Variants in RBFOX1 observed in about 807,000 individuals in gnomAD.
RBFOX1 encodes the protein RNA binding fox-1 homolog 1, also known as RNA binding protein fox-1 homolog 1.
A neutral mutation model predicts 57.7 loss-of-function variants in RBFOX1; 8 were observed. The ratio of observed to expected loss-of-function variants is 0.14; its 90% CI spans 0.08 to 0.25. The LOEUF (loss-of-function observed/expected upper bound fraction) is 0.25, where lower values mean the gene tolerates loss of function less well. Among genes scored for constraint, RBFOX1 ranks in the 10% least tolerant of loss-of-function variants. The pLI is 1.00. For synonymous variants in RBFOX1, 326 were observed against 222.4 expected, an observed-to-expected ratio of 1.47 and a Z score of -4.15; for missense variants, 611 against 548.5, an observed-to-expected ratio of 1.11 and a Z score of -1.14.
intron 3 of RBFOX1, chr16:6,776,090 G>A (rs964984759): frequency 6.6e-6 from 1 of 152,280 alleles, no homozygotes; most frequent in Non-Finnish European, 1.5e-5. Context: ...TAAAGAAAGG[G>A]AGAGAGGAAG....
chr16:6,163,082 C>A (rs2096891499), intron 1 of RBFOX1, among the ~76,000 whole-genome samples: 1 of 152,058 alleles, frequency 6.6e-6, no homozygotes. Context: ...AAATGAGACC[C>A]AGAGAAGGTT....
chr16:7,377,444 A>G (rs370288563), intron 4 of RBFOX1, among the ~76,000 whole-genome samples: 3 of 152,210 alleles, frequency 2.0e-5, no homozygotes, highest in Non-Finnish European at 2.9e-5. Context: ...TCATTTCATC[A>G]TTAAGATATA....
At chr16:6,846,143 C>G (rs2141728251) in intron 3 of RBFOX1, among the ~76,000 whole-genome samples, 1 of 152,152 alleles carries the variant, frequency 6.6e-6, no homozygotes, top group East Asian at 1.9e-4. Context: ...GACTTGTTGC[C>G]TAGCCCAGAG....
At chr16:6,801,198 G>A (rs1442922118) in intron 3 of RBFOX1, among the ~76,000 whole-genome samples, 33 of 96,430 alleles carry the variant, frequency 3.4e-4, no homozygotes, top group Admixed American at 1.1e-3. Flanking sequence ...GATTGAACAT[G>A]CAAAAAAAAA....
chr16:5,832,727 C>G (rs117593397), intron 3 of RBFOX1, among the ~76,000 whole-genome samples: 3 of 152,098 alleles, frequency 2.0e-5, no homozygotes, highest in African/African-American at 7.2e-5. Context: ...ATGGAATTAA[C>G]AGAAATTTAA....
chr16:6,745,033 A>T (rs113743447), intron 3 of RBFOX1, among the ~76,000 whole-genome samples: 1 of 152,066 alleles, frequency 6.6e-6, no homozygotes, highest in Non-Finnish European at 1.5e-5. Flanking sequence ...TTAAAAGAAA[A>T]ATAAGATCAT....
At position 7,549,782 on chromosome 16, in the gene RBFOX1, G is replaced by A. The variant is rs145063256; in HGVS notation, c.271-29995G>A. On this transcript the variant is annotated intron_variant, in intron 5 of 15. Coordinates refer to ENST00000550418, the MANE Select transcript of RBFOX1 (RefSeq NM_018723.4). ...GATTAGATTTGTGTCCACTCAGATT[G>A]TACGTGGGTCTGCCTTTCCCAGTCC... Among the ~76,000 whole-genome samples, 1,507 of 152,208 alleles carry A rather than the reference G, an allele frequency of 9.9e-3. 12 individuals are homozygous for A. Among genetic ancestry groups the A allele is most frequent in the Non-Finnish European group, 0.018 (1,227 of 68,006 alleles).
At position 7,591,096 on chromosome 16, in the gene RBFOX1, T is replaced by C. The variant is rs111445718; in HGVS notation, c.468+3796T>C. 2.5e-3 allele frequency among the ~76,000 whole-genome samples: 386 copies of C among 151,934 alleles called. 6 individuals carry two copies. The highest frequency in any genetic ancestry group is 8.4e-3 in the African/African-American group (350 of 41,450). ...GAGAGTCCGGACAGGCAGGCTGATATTGTGAGAAGGCTTCTGGAAAGAAGG... is the reference window on the plus strand; with the variant it reads ...GAGAGTCCGGACAGGCAGGCTGATACTGTGAGAAGGCTTCTGGAAAGAAGG... On this transcript the variant is annotated intron_variant, in intron 7 of 15. Transcript: ENST00000550418.
At chr16:6,895,266 C>G (rs899734179) in intron 3 of RBFOX1, among the ~76,000 whole-genome samples, 2 of 151,554 alleles carry the variant, frequency 1.3e-5, no homozygotes, top group African/African-American at 4.8e-5. Context: ...CCAGTGGTTC[C>G]TGATTCCCAG....
chr16:6,739,769 C>T (rs543460241), intron 3 of RBFOX1, among the ~76,000 whole-genome samples: 52 of 152,022 alleles, frequency 3.4e-4, no homozygotes, highest in African/African-American at 1.1e-3. Context: ...CTCGGCTCCT[C>T]GGGAGGCTGA....
intron 4 of RBFOX1, among the ~76,000 whole-genome samples, chr16:7,158,711 T>C (rs1214300484): frequency 2.8e-5 from 4 of 143,810 alleles, no homozygotes; most frequent in African/African-American, 4.9e-5. Flanking sequence ...GTGGTGCATA[T>C]GTGTGCATGC....
intron 4 of RBFOX1, among the ~76,000 whole-genome samples, chr16:5,913,896 C>T (rs758393436): frequency 3.3e-5 from 5 of 152,274 alleles, no homozygotes; most frequent in Admixed American, 6.5e-5. Flanking sequence ...TCTTTCTTTA[C>T]ACCAACGCTA....
At chr16:6,959,164 G>A (rs983748787) in intron 3 of RBFOX1, among the ~76,000 whole-genome samples, 1 of 152,076 alleles carries the variant, frequency 6.6e-6, no homozygotes. Flanking sequence ...GGATTGGAAA[G>A]CCTGGGCCTT....
At chr16:5,547,959 A>C (rs4786708) in intron 2 of RBFOX1, among the ~76,000 whole-genome samples, 61,699 of 151,298 alleles carry the variant, frequency 0.41, 13,839 homozygotes, top group East Asian at 0.96. Context: ...CAGGAGTTCC[A>C]GATCAGCCTG....
chr16:5,463,974 C>T (rs2068875844), intron 1 of RBFOX1, among the ~76,000 whole-genome samples: 2 of 152,100 alleles, frequency 1.3e-5, no homozygotes, highest in Admixed American at 6.5e-5. Context: ...CCTCTCACTG[C>T]CATAACCAGG....
intron 2 of RBFOX1, among the ~76,000 whole-genome samples, chr16:6,612,729 G>A (rs1007422533): frequency 9.2e-5 from 14 of 151,620 alleles, no homozygotes; most frequent in African/African-American, 3.4e-4. Context: ...GTCGGTGTCT[G>A]CAATCCCAGC....
At chr16:6,331,736 A>G (rs550388308) in intron 2 of RBFOX1, among the ~76,000 whole-genome samples, 32 of 150,962 alleles carry the variant, frequency 2.1e-4, no homozygotes, top group African/African-American at 6.8e-4. Context: ...TAAGTCCTGC[A>G]GAAATCATGC....
intron 3 of RBFOX1, among the ~76,000 whole-genome samples, chr16:6,941,386 C>T (rs367784936): frequency 5.5e-5 from 8 of 146,434 alleles, no homozygotes; most frequent in Non-Finnish European, 8.9e-5. Context: ...GTAGATTAGC[C>T]GTGTGGAAAC....
intron 4 of RBFOX1, among the ~76,000 whole-genome samples, chr16:7,151,280 G>A (rs1357354910): frequency 6.6e-6 from 1 of 152,160 alleles, no homozygotes; most frequent in Non-Finnish European, 1.5e-5. Context: ...GATTCAGAAT[G>A]GTTCTGATTA....
Sources: gnomAD v4.1 joint callset for allele counts (sites outside exome capture counted in the v4.1 genomes callset) on GRCh38, gnomAD v4.1.1 for gene constraint, MANE v1.5 for transcripts, NCBI Gene and HGNC (gene_info 2026-07-23, HGNC 2026-07-21) for gene names.